The following MINDY2 variants were observed in gnomAD, a reference collection of about 807,000 sequenced individuals.
The protein encoded by MINDY2 is MINDY lysine 48 deubiquitinase 2, also known as ubiquitin carboxyl-terminal hydrolase MINDY-2.
A neutral mutation model predicts 68.2 loss-of-function variants in MINDY2; 52 were observed. The ratio of observed to expected loss-of-function variants is 0.76; its 90% CI spans 0.61 to 0.96. MINDY2 has a LOEUF of 0.96. Ranked by LOEUF, MINDY2 falls within the 40% of genes least tolerant of loss-of-function variation. The probability of loss-of-function intolerance (pLI) is 0.00; values close to 1 mark genes in which losing one functional copy is unlikely to be tolerated. For synonymous variants in MINDY2, 372 were observed against 303.0 expected (o/e 1.23, Z -2.36); for missense variants, 881 against 773.4 (o/e 1.14, Z -1.65).
intron 5 of MINDY2, among the ~76,000 whole-genome samples, chr15:58,830,259 A>G (rs2031641176): frequency 6.6e-6 from 1 of 152,206 alleles, no homozygotes; most frequent in Admixed American, 6.5e-5. Context: ...CATTTTCATC[A>G]GCTGATCAGT....
At chr15:58,821,882 T>G in intron 5 of MINDY2, 63 bp downstream of exon 5, 1 of 1,068,842 alleles carries the variant, frequency 9.4e-7, no homozygotes, top group Admixed American at 2.6e-5. Flanking sequence ...TTCTTATAAC[T>G]TAATATCTTT....
At chr15:58,790,589 G>C (rs967449468) in intron 2 of MINDY2, among the ~76,000 whole-genome samples, 1 of 151,668 alleles carries the variant, frequency 6.6e-6, no homozygotes, top group Non-Finnish European at 1.5e-5. Flanking sequence ...AGACCTTAGT[G>C]GGGGGTAAGA....
chr15:58,785,034 C>T (rs1188573362), intron 1 of MINDY2, among the ~76,000 whole-genome samples: 3 of 150,174 alleles, frequency 2.0e-5, no homozygotes, highest in African/African-American at 7.4e-5. Flanking sequence ...TAACCTGTTT[C>T]TCCTTTGAAA....
intron 2 of MINDY2, among the ~76,000 whole-genome samples, chr15:58,788,799 C>T (rs528933411): frequency 4.8e-5 from 7 of 146,956 alleles, no homozygotes; most frequent in Non-Finnish European, 9.0e-5. Context: ...CACTTGAGGT[C>T]AATAATTTGA....
intron 1 of MINDY2, among the ~76,000 whole-genome samples, chr15:58,787,065 C>T (rs960491068): frequency 3.3e-5 from 5 of 151,504 alleles, no homozygotes; most frequent in Admixed American, 3.3e-4. Flanking sequence ...CCCAACCTCA[C>T]GTGATCCGCC....
chr15:58,820,622 T>C (rs1427095404), intron 4 of MINDY2, among the ~76,000 whole-genome samples: 2 of 152,142 alleles, frequency 1.3e-5, no homozygotes, highest in African/African-American at 2.4e-5. Flanking sequence ...AATTATAGCA[T>C]AGAATGGTGG....
At chr15:58,794,358 GGTGT>G (rs3985718) in intron 2 of MINDY2, among the ~76,000 whole-genome samples, 1,945 of 139,148 alleles carry the variant, frequency 0.014, 13 homozygotes, top group East Asian at 0.045. Flanking sequence ...TTTTTTTTGG[GGTGT>G]GTGTGTGTGT....
At chr15:58,828,575 C>CTTTTTTTTTTTTTT (rs1163905877) in intron 5 of MINDY2, among the ~76,000 whole-genome samples, 2 of 106,142 alleles carry the variant, frequency 1.9e-5, no homozygotes, top group African/African-American at 3.8e-5. Flanking sequence ...TATTGAATTT[C>CTTTTTTTTTTTTTT]TTTTTTTTTT....
chr15:58,797,506 T>TCAAA (rs1333416733), intron 2 of MINDY2, among the ~76,000 whole-genome samples: 1 of 152,184 alleles, frequency 6.6e-6, no homozygotes, highest in South Asian at 2.1e-4. Flanking sequence ...AGACCCTATC[T>TCAAA]CAAACAAACA....
At chr15:58,782,939 A>G (rs1901254713) in intron 1 of MINDY2, among the ~76,000 whole-genome samples, 1 of 5,636 alleles carries the variant, frequency 1.8e-4, no homozygotes, top group Admixed American at 2.9e-3. Context: ...TTTTTTTTTG[A>G]GACAGAGTCT....
intron 6 of MINDY2, among the ~76,000 whole-genome samples, chr15:58,833,973 C>T (rs1361074046): frequency 2.0e-5 from 3 of 152,160 alleles, no homozygotes; most frequent in Non-Finnish European, 2.9e-5. Flanking sequence ...CAATACCTGG[C>T]TTTCCTAGGC....
chr15:58,831,834 G>A lies in MINDY2; in HGVS notation c.1286G>A (p.Cys429Tyr). The change falls in exon 6 of 9, where the codon TGT (cysteine) becomes TAT (tyrosine). Residue 429 changes from cysteine (C) to tyrosine (Y), a missense_variant. By Grantham distance (194) the Cys-to-Tyr change is radical (BLOSUM62 -2). Transcript: ENST00000559228. ...TATQLTYHGL[C>Y]ELTSTVQEGE... ...ACTCAACTGACATACCATGGATTATGTGAACTAACTTCAACGGTTCAGGAA... is the reference window on the plus strand; with the variant it reads ...ACTCAACTGACATACCATGGATTATATGAACTAACTTCAACGGTTCAGGAA... The A allele has an allele frequency of 6.2e-7, 1 of 1,613,760 alleles. No individual in the cohort carries two copies. Among genetic ancestry groups the A allele is most frequent in the Non-Finnish European group, 8.5e-7 (1 of 1,179,828 alleles).
rs559536736 is a variant in MINDY2, at chr15:58,794,707, G to T, written c.898+6744G>T. On this transcript the variant is annotated intron_variant, in intron 2 of 8. Transcript: ENST00000559228. ...GGTAAAAGAAGTATGAGAGAGAACAGAACTATCACTTAAGAGAACTGCATT... is the reference window on the plus strand; with the variant it reads ...GGTAAAAGAAGTATGAGAGAGAACATAACTATCACTTAAGAGAACTGCATT... 5.9e-5 allele frequency among the ~76,000 whole-genome samples: 9 copies of T among 152,168 alleles called. 1 individual carries two copies. The South Asian group carries it at 1.7e-3, about 28-fold the overall frequency.
chr15:58,861,353 C>T lies in MINDY2; in HGVS notation c.*6743C>T, dbSNP rs1404806166. 6.6e-6 allele frequency: 1 copy of T among 152,118 alleles called. No individual in the cohort carries two copies. 9.4% of individuals were successfully genotyped at this position (152,118 alleles called of 1,614,324 possible). A position where few individuals can be genotyped will look rare whatever the true frequency, so the allele number is the denominator to read the frequency against. On this transcript the variant is annotated 3_prime_UTR_variant, in exon 9 of 9. Coordinates refer to ENST00000559228, the MANE Select transcript of MINDY2 (RefSeq NM_001040450.3). ...TCAAAGCGTTTTAATATATAGATTA[C>T]GTATGAGTGCCTATTTTTTCCTCCT...
In MINDY2 at chr15:58,855,580, A is replaced by T. The variant is rs1452739076; in HGVS notation, c.*970A>T. ...AAACCAATGAAAAAGCACATTTCTG[A>T]AATGAAGTTAGAGATAATCTCTGTG... On this transcript the variant is annotated 3_prime_UTR_variant, in exon 9 of 9. Coordinates refer to ENST00000559228, the MANE Select transcript of MINDY2 (RefSeq NM_001040450.3). The T allele has an allele frequency of 7.9e-5, 12 of 152,668 alleles. No homozygotes were observed. The highest frequency in any genetic ancestry group is 2.9e-4 in the African/African-American group (12 of 41,464). 9.5% of individuals were successfully genotyped at this position (152,668 alleles called of 1,614,324 possible).
At chr15:58,841,156 T>C (rs1432470326) in intron 6 of MINDY2, among the ~76,000 whole-genome samples, 1 of 151,660 alleles carries the variant, frequency 6.6e-6, no homozygotes, top group African/African-American at 2.4e-5. Context: ...TAATTTTTTG[T>C]ATTTTTAGTA....
In MINDY2 at chr15:58,861,699, A is replaced by G. The variant is rs1322156866; in HGVS notation, c.*7089A>G. 3 of 152,220 alleles carry G rather than the reference A, an allele frequency of 2.0e-5. No individual in the cohort carries two copies. Among genetic ancestry groups the G allele is most frequent in the African/African-American group, 7.2e-5 (3 of 41,462 alleles). The allele number at this position is 152,220 out of a possible 1,614,324, so 9.4% of individuals were successfully genotyped here. A position where few individuals can be genotyped will look rare whatever the true frequency, so the allele number is the denominator to read the frequency against. On this transcript the variant is annotated 3_prime_UTR_variant, in exon 9 of 9. Coordinates refer to ENST00000559228, the MANE Select transcript of MINDY2 (RefSeq NM_001040450.3). ...GGCATACATAGATGGTAAAGTATAA[A>G]ATATTTCTGACAGAATTATTCAGTA...
intron 5 of MINDY2, among the ~76,000 whole-genome samples, chr15:58,823,224 G>A (rs1427111454): frequency 1.4e-5 from 2 of 148,048 alleles, no homozygotes; most frequent in Non-Finnish European, 3.0e-5. Flanking sequence ...TGCAACCTCC[G>A]CCTCCCAGGA....
chr15:58,828,571 A>ATT (rs765660502), intron 5 of MINDY2, among the ~76,000 whole-genome samples: 2 of 134,174 alleles, frequency 1.5e-5, no homozygotes, highest in African/African-American at 5.8e-5. Flanking sequence ...TTATTATTGA[A>ATT]TTTCTTTTTT....
Sources: gnomAD v4.1 joint callset for allele counts (sites outside exome capture counted in the v4.1 genomes callset) on GRCh38, gnomAD v4.1.1 for gene constraint, MANE v1.5 for transcripts, NCBI Gene and HGNC (gene_info 2026-07-23, HGNC 2026-07-21) for gene names.